Variants in CALD1 observed in about 807,000 individuals in gnomAD.
The protein encoded by CALD1 is caldesmon 1.
CALD1 carries 33 observed loss-of-function variants against 99.9 expected under a neutral mutation model. The observed-to-expected ratio is 0.33, with a 90% CI of 0.25 to 0.44. The LOEUF (loss-of-function observed/expected upper bound fraction) is 0.44, where lower values mean the gene tolerates loss of function less well. Ranked by LOEUF, CALD1 falls within the 20% of genes least tolerant of loss-of-function variation. The probability of loss-of-function intolerance (pLI) is 1.00; values close to 1 mark genes in which losing one functional copy is unlikely to be tolerated. For missense variants in CALD1, 861 were observed against 962.1 expected (o/e 0.89, Z 1.39); for synonymous variants, 310 against 325.0 (o/e 0.95, Z 0.50).
intron 13 of CALD1, among the ~76,000 whole-genome samples, chr7:134,964,383 T>A (rs748956986): frequency 1.9e-4 from 29 of 152,156 alleles, no homozygotes; most frequent in Non-Finnish European, 3.4e-4. Context: ...TGTTAAACTT[T>A]CATCCCATGG....
chr7:134,960,910 G>A (rs759179546), intron 13 of CALD1: 13 of 237,238 alleles, frequency 5.5e-5, no homozygotes, highest in Non-Finnish European at 7.3e-5. Flanking sequence ...TCCTTTACTC[G>A]TCTATTTGTT....
At chr7:134,866,897 C>G (rs983650741) in intron 2 of CALD1, 2 of 152,176 alleles carry the variant, frequency 1.3e-5, no homozygotes, top group Non-Finnish European at 2.9e-5. Flanking sequence ...TTCCCCCTTT[C>G]TGGTAGTCAT....
At chr7:134,875,135 T>G (rs930432398) in intron 3 of CALD1, among the ~76,000 whole-genome samples, 8 of 152,240 alleles carry the variant, frequency 5.3e-5, no homozygotes, top group African/African-American at 1.9e-4. Context: ...TTCCCTTCAG[T>G]TCTCTCAGAA....
At position 134,941,120 on chromosome 7, in the gene CALD1, A is replaced by G. The variant is rs1260882389; in HGVS notation, c.1415A>G (p.Lys472Arg). 4 of 1,611,188 alleles carry G rather than the reference A, an allele frequency of 2.5e-6. No individual in the cohort carries two copies. In the African/African-American group the frequency reaches 4.0e-5, roughly 16 times the overall value. ...AAAGATGAAAAGATTAAAAAGGACA[A>G]AGAACCCAAAGAAGAAGTTAAGAGC... The part of the protein sequence containing the change: ...EIKDEKIKKD[K>R]EPKEEVKSFM... The change falls in exon 7 of 15, where the codon AAA (lysine) becomes AGA (arginine). Residue 472 changes from lysine (K) to arginine (R), a missense_variant. This residue lies in a region of CALD1 where 293 missense variants were observed against 262.7 expected (regional missense o/e 1.12). Coordinates refer to ENST00000361675, the MANE Select transcript of CALD1 (RefSeq NM_033138.4).
intron 3 of CALD1, among the ~76,000 whole-genome samples, chr7:134,910,886 G>GT (rs1803754287): frequency 6.6e-6 from 1 of 152,206 alleles, no homozygotes; most frequent in Non-Finnish European, 1.5e-5. Flanking sequence ...TCCAGAGAAA[G>GT]TAACATGGGA....
intron 6 of CALD1, among the ~76,000 whole-genome samples, chr7:134,940,222 G>A (rs1213592149): frequency 6.6e-6 from 1 of 152,174 alleles, no homozygotes; most frequent in Non-Finnish European, 1.5e-5. Context: ...TAAGTGAAGT[G>A]ATTTGAATTC....
intron 1 of CALD1, among the ~76,000 whole-genome samples, chr7:134,819,202 C>A (rs766976287): frequency 6.6e-6 from 1 of 152,146 alleles, no homozygotes; most frequent in Non-Finnish European, 1.5e-5. Flanking sequence ...ACAGTCTCTG[C>A]GGAATTAAGA....
chr7:134,743,149 G>A (rs980245660), upstream of CALD1, among the ~76,000 whole-genome samples: 4 of 152,324 alleles, frequency 2.6e-5, no homozygotes, highest in East Asian at 1.9e-4. Flanking sequence ...ACTGCTTTAA[G>A]TGCAGTTGGC....
In CALD1 at chr7:134,970,627, T is replaced by C. The variant is rs751834379; in HGVS notation, c.*2282T>C. 2.0e-5 allele frequency: 3 copies of C among 152,642 alleles called. No homozygotes were observed. Among genetic ancestry groups the C allele is most frequent in the Non-Finnish European group, 4.4e-5 (3 of 68,034 alleles). 9.5% of individuals were successfully genotyped at this position (152,642 alleles called of 1,614,324 possible). The stretch of plus-strand genomic sequence containing the variant: ...GAAAATGCATCCACAATAAATGGAA[T>C]TCCTTCCTGCAAAATGTCTTTTTCT... On this transcript the variant is annotated 3_prime_UTR_variant, in exon 15 of 15. Transcript: ENST00000361675.
chr7:134,935,526 C>T (rs954294268), intron 5 of CALD1, among the ~76,000 whole-genome samples, 162 bp from the exon 6 acceptor site: 3 of 152,152 alleles, frequency 2.0e-5, no homozygotes, highest in African/African-American at 7.2e-5. Flanking sequence ...AAGAAAATAT[C>T]CCACCTTGCT....
rs376074647 is a variant in CALD1 at position 134,934,063 on chromosome 7, G to A, written c.1294G>A (p.Val432Ile). The A allele has an allele frequency of 8.9e-5, 143 of 1,608,164 alleles. No homozygotes were observed. Among genetic ancestry groups the A allele is most frequent in the Non-Finnish European group, 1.2e-4 (139 of 1,178,198 alleles). Residue 432 changes from valine to isoleucine, a missense_variant, in exon 5 of 15, where the codon GTC becomes ATC. Physicochemically the swap from Val to Ile is conservative, Grantham distance 29. This residue lies in a region of CALD1 where 293 missense variants were observed against 262.7 expected (regional missense o/e 1.12). Coordinates refer to ENST00000361675, the MANE Select transcript of CALD1 (RefSeq NM_033138.4). ...ACAAGAAGATAAACTTCAGACAGCT[G>A]TCCTAAAGAAACAGGTACAGTAAAC... ...KAQEDKLQTA[V>I]LKKQGEEKGT...
intron 1 of CALD1, among the ~76,000 whole-genome samples, chr7:134,831,381 G>A (rs1415382848): frequency 6.6e-6 from 1 of 151,852 alleles, no homozygotes; most frequent in African/African-American, 2.4e-5. Context: ...GTGCAGTGGC[G>A]CGATCTCGGC....
intron 1 of CALD1, among the ~76,000 whole-genome samples, chr7:134,762,083 G>A (rs1425121838): frequency 2.0e-5 from 3 of 152,084 alleles, no homozygotes; most frequent in Admixed American, 6.5e-5. Context: ...CCAAATGCAG[G>A]GTATCTTCCA....
chr7:134,928,297 C>G (rs1805200955), intron 3 of CALD1, among the ~76,000 whole-genome samples: 1 of 151,846 alleles, frequency 6.6e-6, no homozygotes, highest in Non-Finnish European at 1.5e-5. Flanking sequence ...GGCATGGTGG[C>G]ATGTGCCTGT....
At chr7:134,919,200 C>T (rs542869743) in intron 3 of CALD1, among the ~76,000 whole-genome samples, 6 of 152,166 alleles carry the variant, frequency 3.9e-5, no homozygotes, top group African/African-American at 1.2e-4. Context: ...ATCCGCCTGC[C>T]CTGGAGCAGG....
intron 3 of CALD1, chr7:134,899,952 G>A (rs1802871784): frequency 1.3e-5 from 2 of 152,200 alleles, no homozygotes; most frequent in Non-Finnish European, 2.9e-5. Context: ...CAGTCTGTTT[G>A]CTGATCTGTT....
intron 2 of CALD1, among the ~76,000 whole-genome samples, chr7:134,859,305 C>A (rs1285458055): frequency 6.6e-6 from 1 of 152,194 alleles, no homozygotes; most frequent in East Asian, 1.9e-4. Flanking sequence ...ATATTTGTTG[C>A]AAGTCTACGC....
rs117939016 is a variant in CALD1, at chr7:134,933,616, G to A, written c.847G>A (p.Glu283Lys). The A allele has an allele frequency of 1.8e-4, 298 of 1,612,078 alleles. No homozygotes were observed. The East Asian group carries it at 3.5e-3, about 19-fold the overall frequency. Residue 283 changes from glutamate to lysine, a missense_variant, in exon 5 of 15, where the codon GAG becomes AAG. Glu to Lys is a moderately conservative substitution (Grantham distance 56, BLOSUM62 1). Coordinates refer to ENST00000361675, the MANE Select transcript of CALD1 (RefSeq NM_033138.4). ...EAEERERIKA[E>K]QDKKIADERA... Reference sequence around the variant, plus strand: ...AGAAGAAAGAGAAAGAATTAAAGCCGAGCAAGACAAAAAGATAGCAGATGA... The same window carrying A: ...AGAAGAAAGAGAAAGAATTAAAGCCAAGCAAGACAAAAAGATAGCAGATGA...
rs1208408202 is a variant in CALD1, at chr7:134,933,241, G to A, written c.472G>A (p.Glu158Lys). The A allele has an allele frequency of 1.2e-6, 2 of 1,608,878 alleles. No individual in the cohort carries two copies. Among genetic ancestry groups the A allele is most frequent in the East Asian group, 2.2e-5 (1 of 44,694 alleles). Residue 158 changes from glutamate (E) to lysine (K), a missense_variant, in exon 5 of 15, where the codon GAA becomes AAA. Transcript: ENST00000361675. The stretch of plus-strand genomic sequence containing the variant: ...GGAAGAAAAAAGTGAAAGTCGCCAA[G>A]AAAGATACGAGATAGAGGAAACAGA... The part of the protein sequence containing the change: ...EKEEKSESRQ[E>K]RYEIEETETV...
Sources: allele counts gnomAD v4.1 joint callset (sites outside exome capture counted in the v4.1 genomes callset), GRCh38; gene constraint gnomAD v4.1.1; regional missense constraint gnomAD v4.1.1; transcripts MANE v1.5; gene names NCBI Gene and HGNC (gene_info 2026-07-23, HGNC 2026-07-21).